The following BCR variants were observed in gnomAD, a reference collection of about 807,000 sequenced individuals.
BCR encodes the protein BCR activator of RhoGEF and GTPase.
Under a neutral mutation model 138.6 loss-of-function variants are expected in BCR, and 58 were observed. The ratio of observed to expected loss-of-function variants is 0.42; its 90% CI spans 0.34 to 0.52. The LOEUF (loss-of-function observed/expected upper bound fraction) is 0.52. BCR is among the 20% of genes least tolerant of loss of function. The pLI is 0.06. For synonymous variants in BCR, 786 were observed against 730.1 expected, an observed-to-expected ratio of 1.08 and a Z score of -1.23; for missense variants, 1,599 against 1,727.2, an observed-to-expected ratio of 0.93 and a Z score of 1.32.
chr22:23,279,065 A>G (rs2073611827), intron 8 of BCR, among the ~76,000 whole-genome samples: 1 of 152,176 alleles, frequency 6.6e-6, no homozygotes, highest in Non-Finnish European at 1.5e-5. Context: ...AGCCTGCTGC[A>G]TGGGAGGGTT....
rs371949497 is a variant in BCR at position 23,295,165 on chromosome 22, C to T, written c.3012+10C>T. The T allele has an allele frequency of 5.0e-5, 81 of 1,613,514 alleles. No homozygotes were observed. Among genetic ancestry groups the T allele is most frequent in the Non-Finnish European group, 6.4e-5 (75 of 1,179,752 alleles). ...GAAGGGCCAGGTCCAGGTGAGGCAG[C>T]CATCCCTACCCTCCCCTGCCCGATG... On this transcript the variant is annotated intron_variant, in intron 16 of 22. Transcript: ENST00000305877.
intron 1 of BCR, among the ~76,000 whole-genome samples, chr22:23,205,314 C>T (rs1456645413): frequency 6.6e-6 from 1 of 152,194 alleles, no homozygotes; most frequent in African/African-American, 2.4e-5. Context: ...GTGGAAGCCA[C>T]GCTTTCCTTC....
chr22:23,304,625 G>T (rs1056174626), intron 16 of BCR, among the ~76,000 whole-genome samples: 3 of 152,098 alleles, frequency 2.0e-5, no homozygotes, highest in Admixed American at 6.5e-5. Flanking sequence ...GTGCAACAAG[G>T]TGACTATTTG....
chr22:23,206,713 T>C (rs894626305), intron 1 of BCR, among the ~76,000 whole-genome samples: 3 of 152,208 alleles, frequency 2.0e-5, no homozygotes, highest in Non-Finnish European at 4.4e-5. Flanking sequence ...GCTCCTCTTA[T>C]TTCCTAGCAG....
At chr22:23,222,238 G>A (rs538263593) in intron 1 of BCR, among the ~76,000 whole-genome samples, 7 of 152,348 alleles carry the variant, frequency 4.6e-5, no homozygotes, top group South Asian at 2.1e-4. Flanking sequence ...ATGCCAGCAC[G>A]TAGTAGGTGC....
At chr22:23,230,681 G>GC (rs1474851763) in intron 1 of BCR, among the ~76,000 whole-genome samples, 1 of 152,172 alleles carries the variant, frequency 6.6e-6, no homozygotes, top group African/African-American at 2.4e-5. Flanking sequence ...GGTAGGCATG[G>GC]CCATCTGCAT....
intron 1 of BCR, among the ~76,000 whole-genome samples, chr22:23,213,301 T>C (rs1385195798): frequency 6.6e-6 from 1 of 152,200 alleles, no homozygotes; most frequent in Non-Finnish European, 1.5e-5. Flanking sequence ...GCAGCGTTGC[T>C]GACTTGTGCT....
At chr22:23,295,904 T>C (rs756729795) in intron 16 of BCR, among the ~76,000 whole-genome samples, 1 of 152,118 alleles carries the variant, frequency 6.6e-6, no homozygotes, top group Non-Finnish European at 1.5e-5. Context: ...GCTTTCCTTA[T>C]AGTGCATTAT....
At position 23,243,044 on chromosome 22, in the gene BCR, G is replaced by C. The variant is rs992184413; in HGVS notation, c.1280-10755G>C. Reference sequence around the variant, plus strand: ...TTGTCATTGGATTTAGGGTCCATCAGTGTGATATTGTGATATAAGAAACCT... The same window carrying C: ...TTGTCATTGGATTTAGGGTCCATCACTGTGATATTGTGATATAAGAAACCT... On this transcript the variant is annotated intron_variant, in intron 1 of 22. Coordinates refer to ENST00000305877, the MANE Select transcript of BCR (RefSeq NM_004327.4). 2.0e-5 allele frequency: 6 copies of C among 299,206 alleles called. 1 individual carries two copies. The highest frequency in any genetic ancestry group is 6.6e-5 in the African/African-American group (3 of 45,212). 18.5% of individuals were successfully genotyped at this position (299,206 alleles called of 1,614,324 possible). A position where few individuals can be genotyped will look rare whatever the true frequency, so the allele number is the denominator to read the frequency against.
chr22:23,292,818 T>C (rs1437230512), intron 15 of BCR, among the ~76,000 whole-genome samples, 180 bp downstream of exon 15: 1 of 152,246 alleles, frequency 6.6e-6, no homozygotes, highest in Non-Finnish European at 1.5e-5. Context: ...TATCTCCTTG[T>C]TCCTGAAAAC....
intron 1 of BCR, among the ~76,000 whole-genome samples, chr22:23,201,992 G>T (rs907471355): frequency 6.6e-6 from 1 of 152,208 alleles, no homozygotes; most frequent in African/African-American, 2.4e-5. Context: ...TTAAGATGTT[G>T]CTGTGTAGTT....
chr22:23,283,910 G>A, intron 8 of BCR, 67 bp from the exon 9 acceptor site: 1 of 1,479,050 alleles, frequency 6.8e-7, no homozygotes, highest in Middle Eastern at 2.3e-4. Context: ...GCTGGGCTGG[G>A]AGGGCCGAAC....
At chr22:23,206,560 T>G (rs113212761) in intron 1 of BCR, among the ~76,000 whole-genome samples, 10,214 of 145,470 alleles carry the variant, frequency 0.07, 1,147 homozygotes, top group African/African-American at 0.24. Flanking sequence ...CTGGGCAACA[T>G]AGCGAGACTC....
At position 23,279,894 on chromosome 22, in the gene BCR, C is replaced by T. The variant is rs561513103; in HGVS notation, c.2116-4083C>T. 1.3e-4 allele frequency among the ~76,000 whole-genome samples: 20 copies of T among 152,316 alleles called. No individual in the cohort carries two copies. The South Asian group carries it at 1.5e-3, about 11-fold the overall frequency. ...CTCACAGTGGTGGAGGCTGGAGATCCGGCAGGGTGCCAGCAGGGTCAGGTT... is the reference window on the plus strand; with the variant it reads ...CTCACAGTGGTGGAGGCTGGAGATCTGGCAGGGTGCCAGCAGGGTCAGGTT... On this transcript the variant is annotated intron_variant, in intron 8 of 22. Transcript: ENST00000305877.
chr22:23,235,279 C>T lies in BCR; in HGVS notation c.1280-18520C>T, dbSNP rs2073010400. Among the ~76,000 whole-genome samples, 3 of 143,950 alleles carry T rather than the reference C, an allele frequency of 2.1e-5. 1 individual carries two copies. Among genetic ancestry groups the T allele is most frequent in the African/African-American group, 7.4e-5 (3 of 40,796 alleles). 94.4% of individuals were successfully genotyped at this position (143,950 alleles called of 152,430 possible). A position where few individuals can be genotyped will look rare whatever the true frequency, so the allele number is the denominator to read the frequency against. ...ATTTTTAGTAGAGACGGGGTTTCAC[C>T]ATGCTGGCCAGACTGGTCTCGAACT... is the stretch of plus-strand genomic sequence containing the variant. On this transcript the variant is annotated intron_variant, in intron 1 of 22. Coordinates refer to ENST00000305877, the MANE Select transcript of BCR (RefSeq NM_004327.4).
chr22:23,247,525 C>T (rs999831723), intron 1 of BCR, among the ~76,000 whole-genome samples: 1 of 152,158 alleles, frequency 6.6e-6, no homozygotes, highest in African/African-American at 2.4e-5. Context: ...ACCTCTGATC[C>T]CCTGAGGGCT....
At chr22:23,207,483 TGTTTTGGTGCACACCTGTA>T (rs2072630824) in intron 1 of BCR, among the ~76,000 whole-genome samples, 1 of 151,932 alleles carries the variant, frequency 6.6e-6, no homozygotes, top group South Asian at 2.1e-4. Context: ...ATTAGCCAGG[TGTTTTGGTGCACACCTGTA>T]GTTCCAGCTA....
intron 1 of BCR, among the ~76,000 whole-genome samples, chr22:23,205,232 T>C (rs1480273122): frequency 6.6e-6 from 1 of 152,120 alleles, no homozygotes; most frequent in Non-Finnish European, 1.5e-5. Flanking sequence ...GGCTGGTCAG[T>C]CTGGAGGGCA....
At position 23,180,596 on chromosome 22, in the gene BCR, C is replaced by T; in HGVS notation, c.-365C>T. Reference sequence around the variant, plus strand: ...GGCGGCGGCGGCGGCGGCGGCACGGCGGCGGCGGGGCTGTGGGGCGGTGCG... The same window carrying T: ...GGCGGCGGCGGCGGCGGCGGCACGGTGGCGGCGGGGCTGTGGGGCGGTGCG... On this transcript the variant is annotated 5_prime_UTR_variant, in exon 1 of 23. Coordinates refer to ENST00000305877, the MANE Select transcript of BCR (RefSeq NM_004327.4). 1 of 161,188 alleles carries T rather than the reference C, an allele frequency of 6.2e-6. No homozygotes were observed. The highest frequency in any genetic ancestry group is 1.2e-5 in the Non-Finnish European group (1 of 82,540). 10.0% of individuals were successfully genotyped at this position (161,188 alleles called of 1,614,324 possible). A position where few individuals can be genotyped will look rare whatever the true frequency, so the allele number is the denominator to read the frequency against.
Sources: allele counts gnomAD v4.1 joint callset (sites outside exome capture counted in the v4.1 genomes callset), GRCh38; gene constraint gnomAD v4.1.1; transcripts MANE v1.5; gene names NCBI Gene and HGNC (gene_info 2026-07-23, HGNC 2026-07-21).